The following NLGN1 variants were observed in gnomAD, a reference collection of about 807,000 sequenced individuals.
The protein encoded by NLGN1 is neuroligin-1.
Under a neutral mutation model 65.5 loss-of-function variants are expected in NLGN1, and 12 were observed. That is an observed-to-expected ratio of 0.18 (90% CI 0.12 to 0.30). The LOEUF is 0.30. Ranked by LOEUF, NLGN1 falls within the 10% of genes least tolerant of loss-of-function variation. NLGN1 has a pLI of 1.00. For synonymous variants in NLGN1, 350 were observed against 359.5 expected (o/e 0.97, Z 0.30); for missense variants, 750 against 1,007.1 (o/e 0.74, Z 3.46).
chr3:173,533,019 G>T (rs998133618), intron 2 of NLGN1, among the ~76,000 whole-genome samples: 7 of 152,152 alleles, frequency 4.6e-5, no homozygotes, highest in Non-Finnish European at 8.8e-5. Context: ...GCGTATTCTT[G>T]ATTCACTGAC....
intron 1 of NLGN1, among the ~76,000 whole-genome samples, chr3:173,405,141 A>G (rs76850137): frequency 0.018 from 2,804 of 152,172 alleles, 88 homozygotes; most frequent in African/African-American, 0.064. Context: ...AGAAAATAGT[A>G]TGCATGTGTT....
intron 1 of NLGN1, among the ~76,000 whole-genome samples, chr3:173,430,857 A>T (rs1717048363): frequency 6.6e-6 from 1 of 152,218 alleles, no homozygotes; most frequent in African/African-American, 2.4e-5. Flanking sequence ...TCCTGGCAGC[A>T]CCAGAAGCAG....
At chr3:173,787,655 G>T (rs1455249562) in intron 3 of NLGN1, among the ~76,000 whole-genome samples, 1 of 152,148 alleles carries the variant, frequency 6.6e-6, no homozygotes, top group Non-Finnish European at 1.5e-5. Context: ...ATTGATTCTT[G>T]TAATCCAGCA....
intron 4 of NLGN1, among the ~76,000 whole-genome samples, chr3:174,101,420 A>G (rs949411487): frequency 2.6e-5 from 4 of 152,132 alleles, no homozygotes; most frequent in Non-Finnish European, 4.4e-5. Context: ...GTCAGAGATG[A>G]GTTGGCAGTT....
chr3:173,540,299 TGCCTGGATCTGCTACAGA>T (rs2149226051), intron 2 of NLGN1, among the ~76,000 whole-genome samples: 1 of 152,302 alleles, frequency 6.6e-6, no homozygotes, highest in African/African-American at 2.4e-5. Flanking sequence ...CTTGCACAGC[TGCCTGGATCTGCTACAGA>T]GCCTTCTCTT....
At chr3:173,674,082 T>A (rs1332519720) in intron 3 of NLGN1, among the ~76,000 whole-genome samples, 2 of 152,140 alleles carry the variant, frequency 1.3e-5, no homozygotes, top group Non-Finnish European at 2.9e-5. Flanking sequence ...GTTCCCTGCC[T>A]CCAGACCCTA....
At chr3:174,001,725 A>T (rs532096117) in intron 4 of NLGN1, among the ~76,000 whole-genome samples, 1 of 152,158 alleles carries the variant, frequency 6.6e-6, no homozygotes, top group African/African-American at 2.4e-5. Flanking sequence ...AGTATCTGGC[A>T]TATGGAAAGC....
chr3:173,630,730 C>A (rs149791887), intron 3 of NLGN1, among the ~76,000 whole-genome samples: 1 of 151,926 alleles, frequency 6.6e-6, no homozygotes, highest in Non-Finnish European at 1.5e-5. Context: ...TTTAAAAGTC[C>A]CTTCCTTAAC....
intron 4 of NLGN1, among the ~76,000 whole-genome samples, chr3:174,226,607 T>G (rs1234640606): frequency 6.6e-6 from 1 of 152,198 alleles, no homozygotes; most frequent in African/African-American, 2.4e-5. Context: ...GCTCAGCTTT[T>G]AAAAAGACTC....
intron 2 of NLGN1, among the ~76,000 whole-genome samples, chr3:173,442,092 T>A (rs2148800074): frequency 6.6e-6 from 1 of 152,290 alleles, no homozygotes; most frequent in East Asian, 1.9e-4. Context: ...AGCAATTAAA[T>A]TTGGAGTAAT....
At chr3:173,998,129 A>G (rs1388668016) in intron 4 of NLGN1, among the ~76,000 whole-genome samples, 2 of 152,156 alleles carry the variant, frequency 1.3e-5, no homozygotes, top group African/African-American at 4.8e-5. Context: ...GTAAAGCCCA[A>G]CAAGGATACA....
rs765261134 is a variant in NLGN1, at chr3:173,604,821, G to A, written c.223G>A (p.Gly75Arg). The A allele has an allele frequency of 3.1e-6, 5 of 1,613,650 alleles. No homozygotes were observed. In the South Asian group the frequency reaches 4.4e-5, roughly 14 times the overall value. ...GAAGGAACTCAATAATGAAATTTTG[G>A]GGCCTGTTATTCAATTTCTTGGGGT... The change falls in exon 3 of 7, where the codon GGG (glycine) becomes AGG (arginine). Residue 75 changes from glycine (G) to arginine (R), a missense_variant. Coordinates refer to ENST00000457714, the Ensembl canonical transcript of NLGN1.
intron 2 of NLGN1, among the ~76,000 whole-genome samples, chr3:173,601,705 C>T (rs2149438517): frequency 6.6e-6 from 1 of 151,670 alleles, no homozygotes; most frequent in African/African-American, 2.4e-5. Context: ...AATAAATAAC[C>T]AAATTATTAC....
At chr3:173,801,506 A>G (rs564863943) in intron 3 of NLGN1, among the ~76,000 whole-genome samples, 62 of 152,198 alleles carry the variant, frequency 4.1e-4, no homozygotes, top group Non-Finnish European at 6.9e-4. Flanking sequence ...AACTATGGGT[A>G]AATAAATTTT....
rs141797374 is a variant in NLGN1, at chr3:173,410,806, T to C, written c.-390+12319T>C. Among the ~76,000 whole-genome samples the C allele has an allele frequency of 3.3e-4, 50 of 152,358 alleles. 1 individual carries two copies. Among genetic ancestry groups the C allele is most frequent in the Middle Eastern group, 3.4e-3 (1 of 292 alleles). On this transcript the variant is annotated intron_variant, in intron 1 of 6. Transcript: ENST00000457714. ...ATGTTTTAATCACACATAAAAAAAT[T>C]AAATTTATCCCAAAGTTATTTTCTG...
chr3:173,889,982 T>C, intron 4 of NLGN1, among the ~76,000 whole-genome samples: 1 of 150,856 alleles, frequency 6.6e-6, no homozygotes, highest in African/African-American at 2.5e-5. Context: ...TTTGTGTATG[T>C]ATGAGGGTGT....
At chr3:173,488,702 T>C (rs1174830329) in intron 2 of NLGN1, among the ~76,000 whole-genome samples, 2 of 152,070 alleles carry the variant, frequency 1.3e-5, no homozygotes, top group Non-Finnish European at 2.9e-5. Context: ...TTTTCCTTTT[T>C]CTTGATGTGC....
At chr3:173,641,975 A>T (rs1757487766) in intron 3 of NLGN1, among the ~76,000 whole-genome samples, 1 of 151,882 alleles carries the variant, frequency 6.6e-6, no homozygotes, top group Non-Finnish European at 1.5e-5. Context: ...AGAAAAAAAA[A>T]GTTTGCCAGT....
At chr3:173,631,303 CTAAGTGTAGATTA>C (rs1755647329) in intron 3 of NLGN1, among the ~76,000 whole-genome samples, 1 of 151,524 alleles carries the variant, frequency 6.6e-6, no homozygotes, top group African/African-American at 2.4e-5. Flanking sequence ...TCCATCCTTT[CTAAGTGTAGATTA>C]TATATATCTC....
Sources: allele counts gnomAD v4.1 joint callset (sites outside exome capture counted in the v4.1 genomes callset), GRCh38; gene constraint gnomAD v4.1.1; transcripts MANE v1.5; gene names NCBI Gene and HGNC (gene_info 2026-07-23, HGNC 2026-07-21).